ABRAXAS1: variants seen among roughly 807,000 people sequenced by gnomAD.
ABRAXAS1 encodes the protein abraxas 1, BRCA1 A complex subunit.
ABRAXAS1 carries 26 observed loss-of-function variants against 38.4 expected under a neutral mutation model. That is an observed-to-expected ratio of 0.68 (90% CI 0.50 to 0.94). The LOEUF (loss-of-function observed/expected upper bound fraction) is 0.94, where lower values mean the gene tolerates loss of function less well. ABRAXAS1 is among the 40% of genes least tolerant of loss of function. The probability of loss-of-function intolerance (pLI) is 0.00; values close to 1 mark genes in which losing one functional copy is unlikely to be tolerated. For synonymous variants in ABRAXAS1, 144 were observed against 165.5 expected (o/e 0.87, Z 1.00); for missense variants, 438 against 481.9 (o/e 0.91, Z 0.85).
chr4:83,461,011 A>G lies in ABRAXAS1; in HGVS notation c.*1458T>C. Reference sequence around the variant, plus strand: ...GAAACAGAAAGAAATCACAAAAGCAATTAAGAGAGCTCAAATAATGGGTAA... The same window carrying G: ...GAAACAGAAAGAAATCACAAAAGCAGTTAAGAGAGCTCAAATAATGGGTAA... On this transcript the variant is annotated 3_prime_UTR_variant, in exon 9 of 9. Coordinates refer to ENST00000321945, the MANE Select transcript of ABRAXAS1 (RefSeq NM_139076.3). 6.2e-7 allele frequency: 1 copy of G among 1,611,990 alleles called. No homozygotes were observed.
intron 8 of ABRAXAS1, 40 bp downstream of exon 8, chr4:83,463,454 A>G: frequency 7.1e-7 from 1 of 1,408,166 alleles, no homozygotes; most frequent in Non-Finnish European, 9.8e-7. Flanking sequence ...AATAAATAAA[A>G]ATTTTTAGCA....
chr4:83,477,010 A>G (rs1016889881), intron 2 of ABRAXAS1, among the ~76,000 whole-genome samples: 15 of 152,246 alleles, frequency 9.9e-5, no homozygotes, highest in South Asian at 4.1e-4. Flanking sequence ...TCACATTTTC[A>G]CCGAGTTCTA....
chr4:83,467,671 CTA>C (rs1722423347), intron 6 of ABRAXAS1, 133 bp from the exon 7 acceptor site: 3 of 585,884 alleles, frequency 5.1e-6, no homozygotes, highest in East Asian at 5.8e-5. Context: ...TTTTGTCAAT[CTA>C]TGTGTATAGA....
intron 7 of ABRAXAS1, among the ~76,000 whole-genome samples, chr4:83,465,657 G>GCA (rs989263981): frequency 3.9e-5 from 6 of 152,042 alleles, no homozygotes; most frequent in Non-Finnish European, 8.8e-5. Flanking sequence ...GTGTAGTGGT[G>GCA]CACACCTGTG....
Position 83,460,212 on chromosome 4 carries a change from C to CTGTGG in ABRAXAS1, c.*2252_*2256dup, listed in dbSNP as rs2110029989. 6.6e-6 allele frequency: 1 copy of CTGTGG among 151,516 alleles called. No homozygotes were observed. Among genetic ancestry groups the CTGTGG allele is most frequent in the South Asian group, 2.1e-4 (1 of 4,834 alleles). 9.4% of individuals were successfully genotyped at this position (151,516 alleles called of 1,614,324 possible). A position where few individuals can be genotyped will look rare whatever the true frequency, so the allele number is the denominator to read the frequency against. ...TCTCACTGTCACCCAGGCTGGAGTG[C>CTGTGG]TGTGGCACAATCTCGGCTCACTGCA... On this transcript the variant is annotated 3_prime_UTR_variant, in exon 9 of 9. Transcript: ENST00000321945.
chr4:83,470,439 A>G (rs1210127596), intron 4 of ABRAXAS1, 43 bp from the exon 5 acceptor site: 1 of 1,363,350 alleles, frequency 7.3e-7, no homozygotes, highest in South Asian at 1.3e-5. Context: ...AATAGTTACA[A>G]TGATATGTCT....
chr4:83,474,489 G>A (rs1042723214), intron 3 of ABRAXAS1, among the ~76,000 whole-genome samples: 3 of 151,958 alleles, frequency 2.0e-5, no homozygotes, highest in Non-Finnish European at 4.4e-5. Flanking sequence ...CACAGTGGGT[G>A]GATCACGAGG....
chr4:83,468,921 T>G, intron 6 of ABRAXAS1, 111 bp downstream of exon 6: 1 of 1,259,990 alleles, frequency 7.9e-7, no homozygotes. Context: ...CTAGTTTACT[T>G]GAGTAATGGA....
intron 1 of ABRAXAS1, among the ~76,000 whole-genome samples, chr4:83,482,791 C>T (rs1295721731): frequency 6.6e-5 from 10 of 151,972 alleles, no homozygotes; most frequent in Admixed American, 2.6e-4. Context: ...ACAGATTAGC[C>T]CTGTAGCCCT....
chr4:83,484,908 G>A (rs1005739976), intron 1 of ABRAXAS1, 78 bp downstream of exon 1: 19 of 1,261,008 alleles, frequency 1.5e-5, no homozygotes, highest in African/African-American at 1.1e-4. Flanking sequence ...GGCGGGGACC[G>A]GAGCAACAGC....
In ABRAXAS1 at chr4:83,463,497, C is replaced by G; in HGVS notation, c.793G>C (p.Ala265Pro). The G allele has an allele frequency of 6.3e-7, 1 of 1,589,348 alleles. No individual in the cohort carries two copies. The highest frequency in any genetic ancestry group is 8.6e-7 in the Non-Finnish European group (1 of 1,167,896). ...TAGAGATGTGTTGTTTACTTACTTG[C>G]TGCCTGAATCTGTGCTCCTCTCCTT... ...EKRRGAQIQA[A>P]REKNIQKDPQ... is the part of the protein sequence containing the mutation. Residue 265 changes from alanine (A) to proline (P), a missense_variant, in exon 8 of 9, where the codon GCA becomes CCA. By Grantham distance (27) the Ala-to-Pro change is conservative. Coordinates refer to ENST00000321945, the MANE Select transcript of ABRAXAS1 (RefSeq NM_139076.3).
chr4:83,477,521 C>T, intron 2 of ABRAXAS1: 3 of 442,834 alleles, frequency 6.8e-6, no homozygotes, highest in South Asian at 5.6e-5. Flanking sequence ...TGAGCCTGAG[C>T]AGCAGCAAAG....
rs966702733 is a variant in ABRAXAS1 at position 83,462,405 on chromosome 4, C to CAATAG, written c.*59_*63dup. ...TGCAAGTAGCTCAACATAGTAAAAA[C>CAATAG]AATAGAAATGTTTGGCTTTACCCAT... On this transcript the variant is annotated 3_prime_UTR_variant, in exon 9 of 9. Transcript: ENST00000321945. 269 of 1,411,538 alleles carry CAATAG rather than the reference C, an allele frequency of 1.9e-4. 1 individual carries two copies. Among genetic ancestry groups the CAATAG allele is most frequent in the Middle Eastern group, 2.0e-4 (1 of 5,106 alleles). 87.4% of individuals were successfully genotyped at this position (1,411,538 alleles called of 1,614,324 possible). A position where few individuals can be genotyped will look rare whatever the true frequency, so the allele number is the denominator to read the frequency against.
chr4:83,465,299 C>CAAAAAAAAAAAAAAAAAAAA (rs35072866), intron 7 of ABRAXAS1, among the ~76,000 whole-genome samples: 11 of 88,196 alleles, frequency 1.2e-4, no homozygotes, highest in African/African-American at 4.4e-4. Context: ...GACTCTGTCT[C>CAAAAAAAAAAAAAAAAAAAA]AAAAAAAAAA....
chr4:83,460,964 A>AT lies in ABRAXAS1; in HGVS notation c.*1504dup. 2 of 1,589,036 alleles carry AT rather than the reference A, an allele frequency of 1.3e-6. No homozygotes were observed. Among genetic ancestry groups the AT allele is most frequent in the South Asian group, 2.3e-5 (2 of 85,752 alleles). On this transcript the variant is annotated 3_prime_UTR_variant, in exon 9 of 9. Coordinates refer to ENST00000321945, the MANE Select transcript of ABRAXAS1 (RefSeq NM_139076.3). The stretch of plus-strand genomic sequence containing the variant: ...TTTTTTATGAATAAGAAAGCTTTTT[A>AT]TTTTACAGGTCTTTGTGGGAAGAAA...
chr4:83,483,350 T>C (rs1723063003), intron 1 of ABRAXAS1, among the ~76,000 whole-genome samples: 1 of 150,136 alleles, frequency 6.7e-6, no homozygotes. Context: ...GTGCAATCAC[T>C]ACTCACTGCA....
intron 1 of ABRAXAS1, 117 bp downstream of exon 1, chr4:83,484,869 G>T: frequency 1.2e-6 from 1 of 809,480 alleles, no homozygotes; most frequent in Non-Finnish European, 1.8e-6. Flanking sequence ...GCGACCGCAG[G>T]GAGGAGGCGC....
chr4:83,467,323 A>G lies in ABRAXAS1; in HGVS notation c.681+131T>C, dbSNP rs574552543. 197 of 619,484 alleles carry G rather than the reference A, an allele frequency of 3.2e-4. 2 individuals are homozygous for G. The Middle Eastern group carries it at 4.1e-3, about 13-fold the overall frequency. 38.4% of individuals were successfully genotyped at this position (619,484 alleles called of 1,614,324 possible). ...TAATGACACATTTCTCAGAAGGTACATAGCCTTCATTAAGCAACTCATAAC... is the reference window on the plus strand; with the variant it reads ...TAATGACACATTTCTCAGAAGGTACGTAGCCTTCATTAAGCAACTCATAAC... On this transcript the variant is annotated intron_variant, in intron 7 of 8. Transcript: ENST00000321945.
intron 8 of ABRAXAS1, 67 bp from the exon 9 acceptor site, chr4:83,462,969 TTG>T: frequency 9.0e-7 from 1 of 1,111,950 alleles, no homozygotes; most frequent in South Asian, 1.7e-5. Context: ...AATTAACTAT[TTG>T]TAAGTAAAAT....
Sources: allele counts gnomAD v4.1 joint callset (sites outside exome capture counted in the v4.1 genomes callset), GRCh38; gene constraint gnomAD v4.1.1; transcripts MANE v1.5; gene names NCBI Gene and HGNC (gene_info 2026-07-23, HGNC 2026-07-21).